The following PCDHA2 variants were observed in gnomAD, a reference collection of about 807,000 sequenced individuals.
The protein encoded by PCDHA2 is protocadherin alpha-2.
PCDHA2 carries 58 observed loss-of-function variants against 66.0 expected under a neutral mutation model. The observed-to-expected ratio is 0.88, with a 90% CI of 0.71 to 1.09. PCDHA2 has a LOEUF of 1.09. PCDHA2 is among the 50% of genes least tolerant of loss of function. The probability of loss-of-function intolerance (pLI) is 0.00; values close to 1 mark genes in which losing one functional copy is unlikely to be tolerated. For synonymous variants in PCDHA2, 634 were observed against 554.0 expected (o/e 1.14, Z -2.03); for missense variants, 1,267 against 1,242.3 (o/e 1.02, Z -0.30).
chr5:140,881,282 G>A, intron 1 of PCDHA2: 1 of 795,028 alleles, frequency 1.3e-6, no homozygotes, highest in Non-Finnish European at 1.5e-6. Context: ...GTAAGATGGA[G>A]AGAGAAAATG....
intron 1 of PCDHA2, among the ~76,000 whole-genome samples, chr5:140,880,655 G>A (rs782616371): frequency 6.6e-6 from 1 of 152,186 alleles, no homozygotes; most frequent in African/African-American, 2.4e-5. Context: ...CCCAACTGAG[G>A]TAAAGGTGAG....
intron 1 of PCDHA2, chr5:140,824,079 C>G (rs149846106): frequency 6.2e-6 from 10 of 1,614,220 alleles, no homozygotes; most frequent in Non-Finnish European, 8.5e-6. Context: ...AAACAGACCT[C>G]ATGGCCTTCA....
intron 1 of PCDHA2, chr5:140,836,555 A>T (rs1554136073): frequency 6.2e-7 from 1 of 1,613,750 alleles, no homozygotes; most frequent in East Asian, 2.2e-5. Context: ...TGCGGTGCTC[A>T]GCGCCGTCCT....
chr5:140,883,885 C>T (rs550197512), intron 1 of PCDHA2: 4 of 1,613,260 alleles, frequency 2.5e-6, no homozygotes, highest in East Asian at 4.5e-5. Context: ...GCGCGCGCGA[C>T]TCTGGCGTGC....
intron 1 of PCDHA2, among the ~76,000 whole-genome samples, chr5:140,923,413 G>T (rs2081347795): frequency 6.6e-6 from 1 of 152,062 alleles, no homozygotes; most frequent in Non-Finnish European, 1.5e-5. Context: ...CTATAATCCT[G>T]GCTACTTGGG....
intron 1 of PCDHA2, chr5:140,882,756 G>T: frequency 6.2e-7 from 1 of 1,614,238 alleles, no homozygotes; most frequent in Non-Finnish European, 8.5e-7. Flanking sequence ...GCAGATATTG[G>T]AGTAAACTCG....
intron 1 of PCDHA2, among the ~76,000 whole-genome samples, chr5:140,941,845 C>T (rs2093180727): frequency 6.6e-6 from 1 of 152,160 alleles, no homozygotes. Context: ...GCTGCCATTA[C>T]CTGATATTCC....
At position 140,904,654 on chromosome 5, in the gene PCDHA2, G is replaced by C. The variant is rs554492367; in HGVS notation, c.2389-74295G>C. On this transcript the variant is annotated intron_variant, in intron 1 of 3. Coordinates refer to ENST00000526136, the MANE Select transcript of PCDHA2 (RefSeq NM_018905.3). ...AGGAATCTCCACACTGTTTTCCATAGTGGTTGTACTAGTTTACATTCCCAC... is the reference window on the plus strand; with the variant it reads ...AGGAATCTCCACACTGTTTTCCATACTGGTTGTACTAGTTTACATTCCCAC... Among the ~76,000 whole-genome samples, 175 of 152,122 alleles carry C rather than the reference G, an allele frequency of 1.2e-3. 1 individual carries two copies. The highest frequency in any genetic ancestry group is 3.4e-3 in the Middle Eastern group (1 of 294).
At chr5:140,958,946 ATAT>A (rs34256413) in intron 1 of PCDHA2, among the ~76,000 whole-genome samples, 85,222 of 151,486 alleles carry the variant, frequency 0.56, 24,557 homozygotes, top group African/African-American at 0.69. Flanking sequence ...TAATAATATT[ATAT>A]TATTATAATT....
At chr5:140,996,752 G>T (rs1454271001) in intron 3 of PCDHA2, among the ~76,000 whole-genome samples, 4 of 152,090 alleles carry the variant, frequency 2.6e-5, no homozygotes, top group African/African-American at 7.2e-5. Context: ...AATTATATCT[G>T]TGCAGGACTA....
In PCDHA2 at chr5:140,843,242, G is replaced by T. The variant is rs2150355808; in HGVS notation, c.2388+45890G>T. On this transcript the variant is annotated intron_variant, in intron 1 of 3. Transcript: ENST00000526136. Reference sequence around the variant, plus strand: ...CACCACTCGTGTCCTGGACGAAGCGGACTCTCCGCGCCACCGTCTGCTGGT... The same window carrying T: ...CACCACTCGTGTCCTGGACGAAGCGTACTCTCCGCGCCACCGTCTGCTGGT... 2.5e-5 allele frequency: 40 copies of T among 1,596,002 alleles called. 3 individuals carry two copies. In the African/African-American group the frequency reaches 3.4e-4, roughly 13 times the overall value.
At chr5:140,883,974 G>A (rs782820820) in intron 1 of PCDHA2, 6 of 1,612,844 alleles carry the variant, frequency 3.7e-6, no homozygotes, top group African/African-American at 2.7e-5. Flanking sequence ...CTGACGCCCG[G>A]GGCTGGCAGC....
intron 1 of PCDHA2, chr5:140,802,318 T>C: frequency 6.2e-7 from 1 of 1,614,276 alleles, no homozygotes; most frequent in East Asian, 2.2e-5. Context: ...CTGATCAGCG[T>C]GTCCGACCGC....
chr5:140,977,163 AATG>A (rs1554238313), intron 1 of PCDHA2, among the ~76,000 whole-genome samples: 2 of 152,198 alleles, frequency 1.3e-5, no homozygotes, highest in Non-Finnish European at 2.9e-5. Flanking sequence ...CTTTCAGCAA[AATG>A]AGTTTGATGA....
chr5:140,802,564 C>T (rs868939985), intron 1 of PCDHA2: 1 of 1,613,396 alleles, frequency 6.2e-7, no homozygotes, highest in Non-Finnish European at 8.5e-7. Flanking sequence ...CCGGCATTCT[C>T]GCAGTCCGAG....
At chr5:140,914,038 T>C (rs949307049) in intron 1 of PCDHA2, among the ~76,000 whole-genome samples, 14 of 152,206 alleles carry the variant, frequency 9.2e-5, no homozygotes, top group Non-Finnish European at 1.3e-4. Context: ...GAGAAGAATG[T>C]GTATTCTGCA....
chr5:140,993,519 GAGAC>G (rs1554253814), intron 3 of PCDHA2, among the ~76,000 whole-genome samples: 1 of 151,288 alleles, frequency 6.6e-6, no homozygotes, highest in Non-Finnish European at 1.5e-5. Context: ...CGGGGAGAGA[GAGAC>G]AGAGAGAGAG....
chr5:140,924,391 T>C (rs2081808127), intron 1 of PCDHA2, among the ~76,000 whole-genome samples: 1 of 152,326 alleles, frequency 6.6e-6, no homozygotes, highest in East Asian at 1.9e-4. Flanking sequence ...TTACTACTTA[T>C]ATTGCCTTAT....
intron 1 of PCDHA2, chr5:140,841,270 C>T: frequency 6.5e-7 from 1 of 1,529,280 alleles, no homozygotes; most frequent in Non-Finnish European, 8.8e-7. Context: ...AAAGTACAGT[C>T]GTTCATCTTT....
Sources: allele counts gnomAD v4.1 joint callset (sites outside exome capture counted in the v4.1 genomes callset), GRCh38; gene constraint gnomAD v4.1.1; transcripts MANE v1.5; gene names NCBI Gene and HGNC (gene_info 2026-07-23, HGNC 2026-07-21).